AREL1: variants seen among roughly 807,000 people sequenced by gnomAD.
The protein encoded by AREL1 is apoptosis-resistant E3 ubiquitin protein ligase 1.
Under a neutral mutation model 99.0 loss-of-function variants are expected in AREL1, and 62 were observed. The ratio of observed to expected loss-of-function variants is 0.63; its 90% CI spans 0.51 to 0.77. The LOEUF (loss-of-function observed/expected upper bound fraction) is 0.77. AREL1 is among the 30% of genes least tolerant of loss of function. The pLI is 0.00. For synonymous variants in AREL1, 380 were observed against 376.5 expected (o/e 1.01, Z -0.11); for missense variants, 879 against 1,027.6 (o/e 0.86, Z 1.98).
In AREL1 at chr14:74,692,197, A is replaced by G. The variant is rs1052492031; in HGVS notation, c.-202T>C. ...GGGTCTATCCATCAGACTTTGTCAC[A>G]GTAATCAGGTCAGTGTTTCTGGGAT... is the stretch of plus-strand genomic sequence containing the variant. On this transcript the variant is annotated 5_prime_UTR_variant, in exon 2 of 20. Transcript: ENST00000356357. The G allele has an allele frequency of 2.2e-6, 1 of 454,996 alleles. No homozygotes were observed. Among genetic ancestry groups the G allele is most frequent in the South Asian group, 1.6e-5 (1 of 64,116 alleles). The allele number at this position is 454,996 out of a possible 1,614,324, so 28.2% of individuals were successfully genotyped here.
chr14:74,692,409 G>C lies in AREL1; in HGVS notation c.-333-81C>G, dbSNP rs141416427. 4.3e-3 allele frequency: 1,488 copies of C among 347,026 alleles called. 7 individuals carry two copies. Among genetic ancestry groups the C allele is most frequent in the Non-Finnish European group, 6.3e-3 (1,140 of 180,534 alleles). 21.5% of individuals were successfully genotyped at this position (347,026 alleles called of 1,614,324 possible). A position where few individuals can be genotyped will look rare whatever the true frequency, so the allele number is the denominator to read the frequency against. ...TTCCCCAGAAAAAAATCAAAGAGAA[G>C]GTAGAACAGGCAGTGGAAACCCTGG... is the stretch of plus-strand genomic sequence containing the variant. On this transcript the variant is annotated intron_variant, in intron 1 of 19. Coordinates refer to ENST00000356357, the MANE Select transcript of AREL1 (RefSeq NM_001039479.2).
chr14:74,691,409 T>G (rs2089877517), intron 2 of AREL1, among the ~76,000 whole-genome samples: 1 of 138,498 alleles, frequency 7.2e-6, no homozygotes, highest in Non-Finnish European at 1.6e-5. Flanking sequence ...TGAAAAAGAA[T>G]AAAGTCATAA....
intron 12 of AREL1, 147 bp downstream of exon 12, chr14:74,671,261 C>T (rs1325862215): frequency 3.9e-6 from 2 of 517,170 alleles, no homozygotes; most frequent in African/African-American, 4.3e-5. Flanking sequence ...GTTCCCTTTT[C>T]CTTGGGGAAA....
rs1273901241 is a variant in AREL1, at chr14:74,688,341, T to C, written c.-45-2681A>G. 2.6e-5 allele frequency among the ~76,000 whole-genome samples: 4 copies of C among 152,114 alleles called. No homozygotes were observed. In the South Asian group the frequency reaches 8.3e-4, roughly 32 times the overall value. On this transcript the variant is annotated intron_variant, in intron 2 of 19. Transcript: ENST00000356357. ...CGCCCGGCCCTGAGTACTTACTCAA[T>C]GTGCCAGGTACAGGGAGGACAAATT... is the stretch of plus-strand genomic sequence containing the variant.
chr14:74,688,823 A>ATTTTAT (rs369600809), intron 2 of AREL1, among the ~76,000 whole-genome samples: 15 of 151,164 alleles, frequency 9.9e-5, no homozygotes, highest in Admixed American at 2.0e-4. Context: ...AAGCCCTTCT[A>ATTTTAT]TTTTATTTTT....
Position 74,664,966 on chromosome 14 carries a change from G to T in AREL1, c.2104-41C>A. The T allele has an allele frequency of 1.9e-6, 3 of 1,549,762 alleles. No homozygotes were observed. The South Asian group carries it at 3.4e-5, about 18-fold the overall frequency. On this transcript the variant is annotated intron_variant, in intron 17 of 19. Coordinates refer to ENST00000356357, the MANE Select transcript of AREL1 (RefSeq NM_001039479.2). The stretch of plus-strand genomic sequence containing the variant: ...AAGGTGTTACTATGACAGTCAGAGA[G>T]ACAAAGACCCAATATAAGGTCAAAA...
intron 17 of AREL1, among the ~76,000 whole-genome samples, chr14:74,666,541 C>T (rs1372654243): frequency 6.6e-6 from 1 of 151,980 alleles, no homozygotes; most frequent in South Asian, 2.1e-4. Context: ...GGTTTGTTTC[C>T]TTCACTTCAT....
Position 74,682,913 on chromosome 14 carries a change from G to A in AREL1, c.481+383C>T, listed in dbSNP as rs372352217. On this transcript the variant is annotated intron_variant, in intron 5 of 19. Transcript: ENST00000356357. ...TGGTGCTATGCTTTTTGTACAACTT[G>A]CAGAACCATGAGCCAAATAAACCTC... Among the ~76,000 whole-genome samples the A allele has an allele frequency of 9.3e-4, 142 of 152,326 alleles. 3 individuals carry two copies. In the South Asian group the frequency reaches 0.029, roughly 31 times the overall value.
At chr14:74,707,552 T>C (rs761034413) in intron 1 of AREL1, among the ~76,000 whole-genome samples, 1 of 152,100 alleles carries the variant, frequency 6.6e-6, no homozygotes, top group Non-Finnish European at 1.5e-5. Flanking sequence ...TCCCAGCACT[T>C]TGGGAGGCCC....
chr14:74,711,495 A>G (rs1328765896), intron 1 of AREL1, among the ~76,000 whole-genome samples: 1 of 152,122 alleles, frequency 6.6e-6, no homozygotes, highest in African/African-American at 2.4e-5. Context: ...GTGAGCCGAG[A>G]TTGCGCCACT....
In AREL1 at chr14:74,667,487, C is replaced by T. The variant is rs750603823; in HGVS notation, c.2022G>A (p.Glu674=). 9.3e-6 allele frequency: 15 copies of T among 1,613,436 alleles called. No individual in the cohort carries two copies. The East Asian group carries it at 3.1e-4, about 34-fold the overall frequency. The part of the protein sequence containing the change: ...AQYRLASQVK[E]EVEHFLKGLN... ...CACCTTTTAGGAAATGTTCCACCTC[C>T]TCTTTCACTTGACTGGCCAGCCGAT... Residue 674 remains glutamate, a synonymous_variant, in exon 16 of 20, where the codon GAG becomes GAA. Transcript: ENST00000356357.
intron 5 of AREL1, among the ~76,000 whole-genome samples, chr14:74,680,939 T>C (rs971344379): frequency 1.3e-5 from 2 of 152,132 alleles, no homozygotes; most frequent in African/African-American, 4.8e-5. Context: ...TCCCAGCACC[T>C]TGGGAGGCCA....
At chr14:74,678,194 T>C (rs2139898422) in intron 5 of AREL1, 1 of 454,978 alleles carries the variant, frequency 2.2e-6, no homozygotes. Flanking sequence ...TCAAGACTTA[T>C]TATAAGAGCT....
rs778707370 is a variant in AREL1 at position 74,669,990 on chromosome 14, C to T, written c.1745G>A (p.Arg582His). The T allele has an allele frequency of 1.9e-6, 3 of 1,613,466 alleles. No homozygotes were observed. Among genetic ancestry groups the T allele is most frequent in the Non-Finnish European group, 2.5e-6 (3 of 1,179,658 alleles). Reference sequence around the variant, plus strand: ...TCCTATGATTTGGGCCAGGAAAGAGCGGGTGAAGCGAGCTCGGACCAACTG... The same window carrying T: ...TCCTATGATTTGGGCCAGGAAAGAGTGGGTGAAGCGAGCTCGGACCAACTG... The part of the protein sequence containing the change: ...YKQLVRARFT[R>H]SFLAQIIGLR... The change falls in exon 14 of 20, where the codon CGC (arginine) becomes CAC (histidine). Residue 582 changes from arginine to histidine, a missense_variant. Physicochemically the swap from Arg to His is conservative, Grantham distance 29 (BLOSUM62 0). Transcript: ENST00000356357.
intron 18 of AREL1, among the ~76,000 whole-genome samples, chr14:74,664,585 TACAGGCATGTGCCACC>T (rs2089168024): frequency 6.7e-6 from 1 of 149,254 alleles, no homozygotes; most frequent in Admixed American, 6.7e-5. Flanking sequence ...TAGCTGGGAC[TACAGGCATGTGCCACC>T]ACACCCAGCT....
At chr14:74,702,961 G>A (rs1461880581) in intron 1 of AREL1, among the ~76,000 whole-genome samples, 1 of 152,156 alleles carries the variant, frequency 6.6e-6, no homozygotes, top group Non-Finnish European at 1.5e-5. Flanking sequence ...TTTGTTCAAA[G>A]TCATTCAACA....
chr14:74,679,831 A>G (rs1232305112), intron 5 of AREL1, among the ~76,000 whole-genome samples: 1 of 147,428 alleles, frequency 6.8e-6, no homozygotes, highest in African/African-American at 2.6e-5. Flanking sequence ...CCATCTCAAA[A>G]AAAAGAAAAT....
chr14:74,673,494 G>T (rs1254488535), intron 9 of AREL1, among the ~76,000 whole-genome samples: 1 of 152,178 alleles, frequency 6.6e-6, no homozygotes, highest in East Asian at 1.9e-4. Context: ...ATGTTAAATA[G>T]CAATAAATGG....
intron 1 of AREL1, among the ~76,000 whole-genome samples, chr14:74,706,810 G>A (rs2139991801): frequency 6.6e-6 from 1 of 152,220 alleles, no homozygotes; most frequent in South Asian, 2.1e-4. Context: ...TATGAGGTGA[G>A]CATAGAGGGT....
Sources: gnomAD v4.1 joint callset for allele counts (sites outside exome capture counted in the v4.1 genomes callset) on GRCh38, gnomAD v4.1.1 for gene constraint, MANE v1.5 for transcripts, NCBI Gene and HGNC (gene_info 2026-07-23, HGNC 2026-07-21) for gene names.